The following ADAMTS15 variants were observed in gnomAD, a reference collection of about 807,000 sequenced individuals.
ADAMTS15 encodes the protein A disintegrin and metalloproteinase with thrombospondin motifs 15.
A neutral mutation model predicts 79.1 loss-of-function variants in ADAMTS15; 35 were observed. The observed-to-expected ratio is 0.44, with a 90% confidence interval of 0.34 to 0.59. The LOEUF (loss-of-function observed/expected upper bound fraction) is 0.59. Among genes scored for constraint, ADAMTS15 ranks in the 20% least tolerant of loss-of-function variants. The pLI, the probability that ADAMTS15 is intolerant of heterozygous loss-of-function variation, is 0.02. For synonymous variants in ADAMTS15, 616 were observed against 567.3 expected, an observed-to-expected ratio of 1.09 and a Z score of -1.22; for missense variants, 1,324 against 1,318.7, an observed-to-expected ratio of 1.00 and a Z score of -0.06.
rs796645303 is a variant in ADAMTS15, at chr11:130,468,775, A to AAT, written c.1543-486_1543-485insTA. Reference sequence around the variant, plus strand: ...GTGAGACTCCATCTCAAAAAAAAAAAAAAAAAAAATAATTAGCCGGGCATG... The same window carrying AAT: ...GTGAGACTCCATCTCAAAAAAAAAAAATAAAAAAAAATAATTAGCCGGGCATG... On this transcript the variant is annotated intron_variant, in intron 4 of 7. Transcript: ENST00000299164. Among the ~76,000 whole-genome samples the AAT allele has an allele frequency of 4.1e-3, 611 of 149,292 alleles. 6 individuals are homozygous for AAT. Among genetic ancestry groups the AAT allele is most frequent in the African/African-American group, 0.014 (564 of 40,186 alleles).
In ADAMTS15 at chr11:130,473,272, C is replaced by T. The variant is rs1281437825; in HGVS notation, c.2304C>T (p.Ser768=). 3 of 1,613,244 alleles carry T rather than the reference C, an allele frequency of 1.9e-6. No individual in the cohort carries two copies. Among genetic ancestry groups the T allele is most frequent in the African/African-American group, 2.7e-5 (2 of 74,942 alleles). Residue 768 remains serine (S), a synonymous_variant, in exon 8 of 8, where the codon AGC becomes AGT. Transcript: ENST00000299164. The stretch of plus-strand genomic sequence containing the variant: ...GCGGCACGGGCACAGCGGTGGAGAG[C>T]CTGCAGGCTTCCCGGCCCATCCTGG... ...RYSGTGTAVE[S]LQASRPILEP... is the part of the protein sequence containing the mutation.
At chr11:130,470,191 T>TATATAC (rs1938417822) in intron 5 of ADAMTS15, among the ~76,000 whole-genome samples, 2 of 51,790 alleles carry the variant, frequency 3.9e-5, no homozygotes, top group Admixed American at 1.6e-4. Flanking sequence ...TGTGTGTATA[T>TATATAC]ATATATATAT....
chr11:130,455,863 C>T (rs1321213054), intron 1 of ADAMTS15, among the ~76,000 whole-genome samples: 1 of 152,178 alleles, frequency 6.6e-6, no homozygotes, highest in Non-Finnish European at 1.5e-5. Flanking sequence ...GCACTCTCGG[C>T]ACTTAATCCT....
chr11:130,448,996 C>T lies in ADAMTS15; in HGVS notation c.23C>T (p.Thr8Ile), dbSNP rs1331187672. ...GCCATGCTTCTGCTGGGCATCCTAA[C>T]CCTGGCTTTCGCCGGGCGAACCGCT... is the stretch of plus-strand genomic sequence containing the variant. MLLLGILTLAFAGRTAGG... is the reference protein window; with the variant it reads MLLLGILILAFAGRTAGG... The change falls in exon 1 of 8, where the codon ACC becomes ATC. Residue 8 changes from threonine to isoleucine, a missense_variant. Physicochemically the swap from Thr to Ile is moderately conservative, Grantham distance 89 (BLOSUM62 -1). Transcript: ENST00000299164. 6.6e-7 allele frequency: 1 copy of T among 1,509,378 alleles called. No individual in the cohort carries two copies. The highest frequency in any genetic ancestry group is 1.4e-5 in the South Asian group (1 of 72,504). The allele number at this position is 1,509,378 out of a possible 1,614,324, so 93.5% of individuals were successfully genotyped here. A position where few individuals can be genotyped will look rare whatever the true frequency, so the allele number is the denominator to read the frequency against.
At chr11:130,457,101 C>T (rs183346316) in intron 1 of ADAMTS15, among the ~76,000 whole-genome samples, 1,752 of 151,954 alleles carry the variant, frequency 0.012, 19 homozygotes, top group Non-Finnish European at 0.018. Flanking sequence ...GGCGTGGTGG[C>T]GCATGCCTGT....
rs1938476917 is a variant in ADAMTS15 at position 130,472,387 on chromosome 11, C to T, written c.2079-660C>T. Among the ~76,000 whole-genome samples, 1 of 152,174 alleles carries T rather than the reference C, an allele frequency of 6.6e-6. No homozygotes were observed. The highest frequency in any genetic ancestry group is 2.1e-4 in the South Asian group (1 of 4,832). On this transcript the variant is annotated intron_variant, in intron 7 of 7. Transcript: ENST00000299164. This position sits in a 1 kb window ranked among gnomAD's most constrained non-coding sequence, Gnocchi z 4.7. ...TTGCAGGGACCTGTGGTGGCAAGGC[C>T]ACGTGGGGAGTGGGAGGTACATACC...
chr11:130,471,080 CT>C lies in ADAMTS15; in HGVS notation c.1883del (p.Phe628SerfsTer58). 3 of 1,613,758 alleles carry C rather than the reference CT, an allele frequency of 1.9e-6. No individual in the cohort carries two copies. Among genetic ancestry groups the C allele is most frequent in the Non-Finnish European group, 2.5e-6 (3 of 1,179,852 alleles). On this transcript the variant is annotated frameshift_variant, in exon 6 of 8. Coordinates refer to ENST00000299164, the MANE Select transcript of ADAMTS15 (RefSeq NM_139055.4). LOFTEE classifies it high-confidence loss of function. The part of the protein sequence containing the change: ...LICRANGTGY[F>X]YVLAPKVVDG... Reference sequence around the variant, plus strand: ...TCTGCCGAGCCAATGGCACTGGCTACTTCTATGTGCTGGCACCCAAGGTGAG... The same window carrying C: ...TCTGCCGAGCCAATGGCACTGGCTACTCTATGTGCTGGCACCCAAGGTGAG...
Position 130,455,323 on chromosome 11 carries a change from TA to T in ADAMTS15, c.957+5396del, listed in dbSNP as rs144980763. Among the ~76,000 whole-genome samples, 346 of 152,348 alleles carry T rather than the reference TA, an allele frequency of 2.3e-3. 1 individual carries two copies. Among genetic ancestry groups the T allele is most frequent in the African/African-American group, 8.0e-3 (334 of 41,580 alleles). ...ACTCAAGTTTGGGATGGCCCTGATT[TA>T]AAGCATTCTGTCCCATTGTCCTTTC... On this transcript the variant is annotated intron_variant, in intron 1 of 7. Transcript: ENST00000299164.
chr11:130,471,033 C>A lies in ADAMTS15; in HGVS notation c.1834C>A (p.Pro612Thr), dbSNP rs1938442122. 1.9e-6 allele frequency: 3 copies of A among 1,613,722 alleles called. No homozygotes were observed. Among genetic ancestry groups the A allele is most frequent in the Non-Finnish European group, 2.5e-6 (3 of 1,180,040 alleles). The change falls in exon 6 of 8, where the codon CCC becomes ACC. Residue 612 changes from proline to threonine, a missense_variant. Pro to Thr is a conservative substitution (Grantham distance 38). Transcript: ENST00000299164. ...AWVPKYSGVSPRDKCKLICRA... is the reference protein window; with the variant it reads ...AWVPKYSGVSTRDKCKLICRA... ...GGTGCCCAAGTACTCCGGCGTGTCT[C>A]CCCGGGACAAGTGCAAGCTCATCTG...
intron 7 of ADAMTS15, among the ~76,000 whole-genome samples, chr11:130,471,977 G>A (rs1412037232): frequency 6.6e-6 from 1 of 152,246 alleles, no homozygotes; most frequent in African/African-American, 2.4e-5. Flanking sequence ...GAGACAGCAA[G>A]TGGGCAGCTG....
intron 4 of ADAMTS15, among the ~76,000 whole-genome samples, chr11:130,468,333 C>T (rs564985181): frequency 3.3e-5 from 5 of 152,284 alleles, no homozygotes; most frequent in African/African-American, 7.2e-5. Context: ...GGGCAGAGTC[C>T]GTTGAAAACA....
chr11:130,471,858 C>T (rs762804659), intron 7 of ADAMTS15, among the ~76,000 whole-genome samples: 10 of 152,216 alleles, frequency 6.6e-5, no homozygotes, highest in Non-Finnish European at 1.3e-4. Flanking sequence ...CGGTTAGCAT[C>T]GTAGCTTCAC....
At chr11:130,471,497 C>G (rs1938458671) in intron 7 of ADAMTS15, 114 bp downstream of exon 7, 12 of 1,272,778 alleles carry the variant, frequency 9.4e-6, no homozygotes, top group Non-Finnish European at 1.3e-5. Flanking sequence ...AGCCAGTACC[C>G]TTGCTGCAGA....
chr11:130,471,560 CTCAT>C (rs201979154), intron 7 of ADAMTS15, among the ~76,000 whole-genome samples, 177 bp downstream of exon 7: 39 of 152,214 alleles, frequency 2.6e-4, no homozygotes, highest in South Asian at 6.2e-4. Context: ...CATTCATTCA[CTCAT>C]TCATTCATTC....
At chr11:130,470,833 G>A (rs1291415180) in intron 5 of ADAMTS15, 87 bp from the exon 6 acceptor site, 28 of 1,454,676 alleles carry the variant, frequency 1.9e-5, no homozygotes, top group Non-Finnish European at 2.5e-5. Flanking sequence ...GGCTAAGAGA[G>A]CCACGGCAGG....
chr11:130,450,395 A>AAG (rs1325921291), intron 1 of ADAMTS15: 11 of 985,336 alleles, frequency 1.1e-5, no homozygotes, highest in African/African-American at 1.7e-5. Context: ...ATCCAAGGTC[A>AAG]GCGCTTGCTA....
chr11:130,471,204 G>A lies in ADAMTS15; in HGVS notation c.1903-4G>A, dbSNP rs756059930. On this transcript the variant is annotated splice_region_variant and splice_polypyrimidine_tract_variant and intron_variant, in intron 6 of 7. Transcript: ENST00000299164. Reference sequence around the variant, plus strand: ...CTTCTTTTTCCCCTTCTGGGGTGCTGCAGGTGGTGGACGGCACGCTGTGCT... The same window carrying A: ...CTTCTTTTTCCCCTTCTGGGGTGCTACAGGTGGTGGACGGCACGCTGTGCT... 6.3e-7 allele frequency: 1 copy of A among 1,592,940 alleles called. No individual in the cohort carries two copies. The highest frequency in any genetic ancestry group is 8.6e-7 in the Non-Finnish European group (1 of 1,168,674).
rs1324543166 is a variant in ADAMTS15, at chr11:130,470,123, TATATATATAC to T, written c.1720+694_1720+703del. ...TTATCAGGTTCATTACTGAATCATA[TATATATATAC>T]ATATATATATATATATATGTGTATA... On this transcript the variant is annotated intron_variant, in intron 5 of 7. Coordinates refer to ENST00000299164, the MANE Select transcript of ADAMTS15 (RefSeq NM_139055.4). Among the ~76,000 whole-genome samples the T allele has an allele frequency of 1.7e-3, 178 of 102,564 alleles. 13 individuals carry two copies. Among genetic ancestry groups the T allele is most frequent in the East Asian group, 7.5e-3 (32 of 4,266 alleles). The allele number at this position is 102,564 out of a possible 152,430, so 67.3% of individuals were successfully genotyped here. A position where few individuals can be genotyped will look rare whatever the true frequency, so the allele number is the denominator to read the frequency against.
Position 130,473,790 on chromosome 11 carries a change from A to T in ADAMTS15, c.2822A>T (p.Glu941Val). The change falls in exon 8 of 8, where the codon GAG becomes GTG. Residue 941 changes from glutamate (E) to valine (V), a missense_variant. Coordinates refer to ENST00000299164, the MANE Select transcript of ADAMTS15 (RefSeq NM_139055.4). ...TGCAACTTGCACCGCAAGCCCCAGG[A>T]GCTGGACTTCTGCGTCCTGAGGCCG... ...DQCNLHRKPQ[E>V]LDFCVLRPC The T allele has an allele frequency of 6.3e-7, 1 of 1,598,370 alleles. No individual in the cohort carries two copies. The highest frequency in any genetic ancestry group is 8.5e-7 in the Non-Finnish European group (1 of 1,179,326).
Sources: allele counts gnomAD v4.1 joint callset (sites outside exome capture counted in the v4.1 genomes callset), GRCh38; gene constraint gnomAD v4.1.1; non-coding constraint Gnocchi (gnomAD v3.1); transcripts MANE v1.5; gene names NCBI Gene and HGNC (gene_info 2026-07-23, HGNC 2026-07-21).